Variants in LARP4 observed in about 807,000 individuals in gnomAD.
LARP4 encodes La ribonucleoprotein 4.
A neutral mutation model predicts 92.9 loss-of-function variants in LARP4; 29 were observed. The observed-to-expected ratio is 0.31, with a 90% CI of 0.23 to 0.43. LARP4 has a LOEUF of 0.43. Ranked by LOEUF, LARP4 falls within the 20% of genes least tolerant of loss-of-function variation. The pLI, the probability that LARP4 is intolerant of heterozygous loss-of-function variation, is 1.00. For missense variants in LARP4, 732 were observed against 860.0 expected (o/e 0.85, Z 1.86); for synonymous variants, 279 against 284.1 (o/e 0.98, Z 0.18).
At chr12:50,442,432 T>G (rs1322250090) in intron 8 of LARP4, among the ~76,000 whole-genome samples, 3 of 152,206 alleles carry the variant, frequency 2.0e-5, no homozygotes, top group South Asian at 4.1e-4. Flanking sequence ...TCCCATTGTT[T>G]AGGCTTGAAC....
chr12:50,454,710 A>G (rs1953905332), intron 10 of LARP4: 3 of 252,930 alleles, frequency 1.2e-5, no homozygotes, highest in Non-Finnish European at 2.3e-5. Context: ...ACTAATTTCC[A>G]TTTAGTATGT....
intron 1 of LARP4, among the ~76,000 whole-genome samples, chr12:50,424,291 A>G (rs986453251): frequency 1.3e-5 from 2 of 150,232 alleles, no homozygotes; most frequent in African/African-American, 2.5e-5. Flanking sequence ...CATCATTTGA[A>G]CCCCGGAGTT....
chr12:50,401,473 A>AAATGCGGT (rs1288794089), intron 1 of LARP4, among the ~76,000 whole-genome samples: 1 of 152,186 alleles, frequency 6.6e-6, no homozygotes, highest in Non-Finnish European at 1.5e-5. Context: ...GAGAAAGGTG[A>AAATGCGGT]AATGCGGTAA....
At chr12:50,422,781 ATATTATTATTAT>A (rs145036648) in intron 1 of LARP4, among the ~76,000 whole-genome samples, 11,395 of 138,548 alleles carry the variant, frequency 0.082, 836 homozygotes, top group East Asian at 0.36. Context: ...TTGGGAAATT[ATATTATTATTAT>A]TATTATTATT....
intron 1 of LARP4, chr12:50,415,687 CTTTTTTTTGTT>C (rs1301579784): frequency 5.2e-5 from 7 of 134,900 alleles, no homozygotes; most frequent in Admixed American, 3.8e-4. Flanking sequence ...TTCCCAGCTT[CTTTTTTTTGTT>C]TTTTTTTTTT....
chr12:50,449,923 A>ATTT (rs60763691), intron 8 of LARP4, among the ~76,000 whole-genome samples: 564 of 47,088 alleles, frequency 0.012, 92 homozygotes, highest in African/African-American at 0.036. Context: ...AGCCATAGCA[A>ATTT]TTTTTTTTTT....
chr12:50,459,944 C>G (rs1565708302), intron 10 of LARP4, among the ~76,000 whole-genome samples: 1 of 151,836 alleles, frequency 6.6e-6, no homozygotes, highest in African/African-American at 2.4e-5. Context: ...CAAGACCAGC[C>G]TGGCCAACAT....
intron 1 of LARP4, among the ~76,000 whole-genome samples, chr12:50,416,950 G>C (rs1946899879): frequency 6.6e-6 from 1 of 152,120 alleles, no homozygotes; most frequent in South Asian, 2.1e-4. Context: ...GGGCAAAAGA[G>C]TGAGATCCTG....
chr12:50,477,346 G>A lies in LARP4; in HGVS notation c.*1482G>A, dbSNP rs983490673. On this transcript the variant is annotated 3_prime_UTR_variant, in exon 16 of 16. Transcript: ENST00000398473. ...ATACCATGTTCAGAGTTCTATGTAA[G>A]GTGGGTTTTATTTTTCTTTTAAGGG... 2.6e-5 allele frequency: 4 copies of A among 152,496 alleles called. No individual in the cohort carries two copies. The highest frequency in any genetic ancestry group is 9.7e-5 in the African/African-American group (4 of 41,434). 9.4% of individuals were successfully genotyped at this position (152,496 alleles called of 1,614,324 possible). A position where few individuals can be genotyped will look rare whatever the true frequency, so the allele number is the denominator to read the frequency against.
chr12:50,458,689 A>G (rs1954791384), intron 10 of LARP4, among the ~76,000 whole-genome samples: 1 of 152,218 alleles, frequency 6.6e-6, no homozygotes, highest in Non-Finnish European at 1.5e-5. Flanking sequence ...TAATCTGTAG[A>G]TCCAAGATCC....
At chr12:50,456,422 A>G (rs944915814) in intron 10 of LARP4, among the ~76,000 whole-genome samples, 28 of 152,166 alleles carry the variant, frequency 1.8e-4, no homozygotes, top group African/African-American at 6.3e-4. Flanking sequence ...TGGACCAGCA[A>G]CCCAAATCCT....
chr12:50,474,213 A>C (rs746180562), intron 15 of LARP4, 46 bp downstream of exon 15: 4 of 1,433,968 alleles, frequency 2.8e-6, no homozygotes, highest in Non-Finnish European at 3.8e-6. Context: ...ACAATAGATT[A>C]GATTTTTTTT....
At chr12:50,440,226 C>T (rs186984095) in intron 6 of LARP4, among the ~76,000 whole-genome samples, 8 of 152,248 alleles carry the variant, frequency 5.3e-5, no homozygotes, top group East Asian at 3.9e-4. Context: ...CGCTTGCATC[C>T]GGGAGTTTGA....
At chr12:50,403,752 G>C (rs1327097410) in intron 1 of LARP4, among the ~76,000 whole-genome samples, 1 of 152,112 alleles carries the variant, frequency 6.6e-6, no homozygotes, top group East Asian at 1.9e-4. Context: ...AGAGATTCCA[G>C]CTTAACTATC....
chr12:50,461,825 G>T (rs1955435022), intron 11 of LARP4, among the ~76,000 whole-genome samples: 1 of 152,020 alleles, frequency 6.6e-6, no homozygotes, highest in South Asian at 2.1e-4. Flanking sequence ...GGGCATGGTG[G>T]CAGGCGCCTG....
At chr12:50,445,374 A>G (rs1477691145) in intron 8 of LARP4, among the ~76,000 whole-genome samples, 1 of 151,474 alleles carries the variant, frequency 6.6e-6, no homozygotes, top group Non-Finnish European at 1.5e-5. Context: ...TGCTGTCAAG[A>G]TGTTTTATTT....
In LARP4 at chr12:50,462,649, T is replaced by A. The variant is rs371332586; in HGVS notation, c.1383+19T>A. ...GATCTCAGTAAGTTTTTTAAAACTT[T>A]TATTCAGACTTTTTTCTCTTCTGTG... On this transcript the variant is annotated intron_variant, in intron 12 of 15. Coordinates refer to ENST00000398473, the MANE Select transcript of LARP4 (RefSeq NM_052879.5). 6.5e-7 allele frequency: 1 copy of A among 1,538,020 alleles called. No individual in the cohort carries two copies. Among genetic ancestry groups the A allele is most frequent in the Middle Eastern group, 1.7e-4 (1 of 5,910 alleles).
intron 1 of LARP4, among the ~76,000 whole-genome samples, chr12:50,406,607 G>A (rs1944890630): frequency 6.6e-6 from 1 of 152,112 alleles, no homozygotes; most frequent in Admixed American, 6.6e-5. Flanking sequence ...AAATTCCTGG[G>A]CTCAAGCAAT....
At chr12:50,402,456 G>A (rs1231560850) in intron 1 of LARP4, among the ~76,000 whole-genome samples, 1 of 152,034 alleles carries the variant, frequency 6.6e-6, no homozygotes, top group Non-Finnish European at 1.5e-5. Context: ...TTTTTTTAAG[G>A]AATGTTATGC....
Sources: allele counts gnomAD v4.1 joint callset (sites outside exome capture counted in the v4.1 genomes callset), GRCh38; gene constraint gnomAD v4.1.1; transcripts MANE v1.5; gene names NCBI Gene and HGNC (gene_info 2026-07-23, HGNC 2026-07-21).